Variants in ITPR1 observed in about 807,000 individuals in gnomAD.
ITPR1 encodes the protein inositol 1,4,5-trisphosphate-gated calcium channel ITPR1.
Under a neutral mutation model 318.4 loss-of-function variants are expected in ITPR1, and 96 were observed. The ratio of observed to expected loss-of-function variants is 0.30; its 90% CI spans 0.26 to 0.36. The LOEUF is 0.36. Ranked by LOEUF, ITPR1 falls within the 10% of genes least tolerant of loss-of-function variation. The pLI, the probability that ITPR1 is intolerant of heterozygous loss-of-function variation, is 1.00. For synonymous variants in ITPR1, 1,312 were observed against 1,289.9 expected (o/e 1.02, Z -0.37); for missense variants, 2,440 against 3,460.2 (o/e 0.71, Z 7.40).
chr3:4,655,509 G>A (rs952869473), intron 12 of ITPR1, among the ~76,000 whole-genome samples: 3 of 152,106 alleles, frequency 2.0e-5, no homozygotes, highest in Admixed American at 6.5e-5. Context: ...TATACAAGTG[G>A]CATTTTTCAG....
At chr3:4,648,044 C>A (rs187498007) in intron 10 of ITPR1, among the ~76,000 whole-genome samples, 1 of 151,898 alleles carries the variant, frequency 6.6e-6, no homozygotes, top group South Asian at 2.1e-4. Flanking sequence ...CCCAGCTACT[C>A]GGGAGGCTGA....
Position 4,826,085 on chromosome 3 carries a change from T to G in ITPR1, c.8028+7843T>G, listed in dbSNP as rs1281953286. Among the ~76,000 whole-genome samples the G allele has an allele frequency of 6.6e-6, 1 of 152,218 alleles. No individual in the cohort carries two copies. Among genetic ancestry groups the G allele is most frequent in the Non-Finnish European group, 1.5e-5 (1 of 68,024 alleles). ...GTGCACTTAACCCTGGTCTGACCTTTCTGCCCGCCTGTGCACCTCCTCTGT... is the reference window on the plus strand; with the variant it reads ...GTGCACTTAACCCTGGTCTGACCTTGCTGCCCGCCTGTGCACCTCCTCTGT... On this transcript the variant is annotated intron_variant, in intron 60 of 61. Coordinates refer to ENST00000649015, the MANE Select transcript of ITPR1 (RefSeq NM_001378452.1). The surrounding 1 kb of genome is among the most constrained non-coding windows in gnomAD (Gnocchi z 4.2).
At chr3:4,591,554 T>C (rs1308782634) in intron 4 of ITPR1, among the ~76,000 whole-genome samples, 1 of 152,236 alleles carries the variant, frequency 6.6e-6, no homozygotes, top group East Asian at 1.9e-4. Flanking sequence ...TGTTTCTTCC[T>C]AAGGGAGGAA....
intron 10 of ITPR1, among the ~76,000 whole-genome samples, chr3:4,650,368 A>G (rs1408838007): frequency 4.6e-5 from 7 of 152,088 alleles, no homozygotes; most frequent in Non-Finnish European, 2.9e-5. Context: ...CCAGTTCTCC[A>G]TGTGGCCTTC....
At chr3:4,796,144 T>C (rs1384112071) in intron 53 of ITPR1, among the ~76,000 whole-genome samples, 1 of 152,214 alleles carries the variant, frequency 6.6e-6, no homozygotes, top group Non-Finnish European at 1.5e-5. Flanking sequence ...TGAGTCAGTT[T>C]AAGGACCAAC....
intron 40 of ITPR1, among the ~76,000 whole-genome samples, chr3:4,717,949 G>A (rs1165881272): frequency 6.6e-6 from 1 of 152,186 alleles, no homozygotes; most frequent in Non-Finnish European, 1.5e-5. Flanking sequence ...CACCGGCAAG[G>A]TTAGAAATGT....
rs777975463 is a variant in ITPR1, at chr3:4,815,205, G to C, written c.7854G>C (p.Thr2618=). ...AGAAGGAAGAGATCTTGAAGACCAC[G>C]TGCTTTATCTGTGGTGAGTGTCGCT... The part of the protein sequence containing the change: ...KQKKEEILKT[T]CFICGLERDK... Residue 2618 remains threonine, a synonymous_variant, in exon 59 of 62, where the codon ACG becomes ACC. Transcript: ENST00000649015. 2 of 1,613,872 alleles carry C rather than the reference G, an allele frequency of 1.2e-6. No individual in the cohort carries two copies. Among genetic ancestry groups the C allele is most frequent in the African/African-American group, 2.7e-5 (2 of 75,034 alleles).
At chr3:4,644,486 G>A (rs1016171642) in intron 8 of ITPR1, among the ~76,000 whole-genome samples, 2 of 152,182 alleles carry the variant, frequency 1.3e-5, no homozygotes, top group East Asian at 1.9e-4. Context: ...CTGAGGGGTT[G>A]TTTTTTCATT....
At chr3:4,643,575 C>T (rs921516960) in intron 7 of ITPR1, among the ~76,000 whole-genome samples, 16 of 144,508 alleles carry the variant, frequency 1.1e-4, no homozygotes, top group African/African-American at 4.1e-4. Context: ...TGTTACATCA[C>T]ATAATGATAA....
chr3:4,670,742 C>A lies in ITPR1; in HGVS notation c.2020C>A (p.Arg674Ser). The stretch of plus-strand genomic sequence containing the variant: ...CTTGTTTTCTAGGTTGGTTCTTTCT[C>A]GTTTTGAATTTGAAGGTGTCTCTTC... ...ILIETKLVLSRFEFEGVSSTG... is the reference protein window; with the variant it reads ...ILIETKLVLSSFEFEGVSSTG... Residue 674 changes from arginine to serine, a missense_variant, in exon 20 of 62, where the codon CGT becomes AGT. Around this residue, in one of 23 missense-constraint regions of ITPR1, gnomAD observed 478 missense variants for 696.3 expected, o/e 0.69. Transcript: ENST00000649015. 6.3e-7 allele frequency: 1 copy of A among 1,589,898 alleles called. No individual in the cohort carries two copies. Among genetic ancestry groups the A allele is most frequent in the East Asian group, 2.3e-5 (1 of 44,280 alleles).
In ITPR1 at chr3:4,685,216, G is replaced by A; in HGVS notation, c.3702+10G>A. 6.3e-7 allele frequency: 1 copy of A among 1,594,804 alleles called. No homozygotes were observed. The highest frequency in any genetic ancestry group is 8.5e-7 in the Non-Finnish European group (1 of 1,174,894). On this transcript the variant is annotated intron_variant, in intron 30 of 61. Transcript: ENST00000649015. ...GATTCCCTATGAGAAGGTGAGCGGT[G>A]CCTCATGCACAGCAGCTGCTCTCAG...
rs778756073 is a variant in ITPR1, at chr3:4,590,543, T to A, written c.164-37220T>A. ...CTTCTTAATAATAATAATAATTTTT[T>A]AATTATAATTACTATTTTATTAATT... On this transcript the variant is annotated intron_variant, in intron 4 of 61. Transcript: ENST00000649015. 6.7e-5 allele frequency among the ~76,000 whole-genome samples: 10 copies of A among 149,476 alleles called. No homozygotes were observed. In the East Asian group the frequency reaches 9.7e-4, roughly 15 times the overall value.
At chr3:4,564,970 T>C (rs1162238379) in intron 4 of ITPR1, among the ~76,000 whole-genome samples, 3 of 152,202 alleles carry the variant, frequency 2.0e-5, no homozygotes, top group African/African-American at 7.2e-5. Flanking sequence ...GCTAAACTCA[T>C]TGTCTCTCAC....
At position 4,775,237 on chromosome 3, in the gene ITPR1, T is replaced by C. The variant is rs1179251081; in HGVS notation, c.5980-5T>C. On this transcript the variant is annotated splice_polypyrimidine_tract_variant and splice_region_variant and intron_variant, in intron 46 of 61. Transcript: ENST00000649015. Reference sequence around the variant, plus strand: ...TCACCGAACCTGGGGACTACCCAATTGCAGAACTTCCTCCGTTGCCAAAAT... The same window carrying C: ...TCACCGAACCTGGGGACTACCCAATCGCAGAACTTCCTCCGTTGCCAAAAT... The C allele has an allele frequency of 6.2e-7, 1 of 1,612,296 alleles. No individual in the cohort carries two copies. The highest frequency in any genetic ancestry group is 1.3e-5 in the African/African-American group (1 of 75,026).
Position 4,663,034 on chromosome 3 carries a change from ATC to A in ITPR1, c.1413-29_1413-28del, listed in dbSNP as rs1051503071. 20 of 1,609,934 alleles carry A rather than the reference ATC, an allele frequency of 1.2e-5. 1 individual carries two copies. The highest frequency in any genetic ancestry group is 2.2e-5 in the East Asian group (1 of 44,794). ...TTCCAGCCTGCTGAACACTGAACAC[ATC>A]TGTCTCTAATAGCGTCTTTCCTCCT... On this transcript the variant is annotated intron_variant, in intron 15 of 61. Transcript: ENST00000649015.
intron 4 of ITPR1, among the ~76,000 whole-genome samples, chr3:4,557,959 C>G (rs1186176774): frequency 1.3e-5 from 2 of 152,188 alleles, no homozygotes; most frequent in African/African-American, 4.8e-5. Context: ...TCCACATAAG[C>G]TGCTTTTTAA....
rs13086334 is a variant in ITPR1, at chr3:4,768,889, T to G, written c.5979+125T>G. ...TTGAGCCAAGGATCCAGCAAGGTTCTTTTTTTTCCTTTTTCTTTTTTCTTT... is the reference window on the plus strand; with the variant it reads ...TTGAGCCAAGGATCCAGCAAGGTTCGTTTTTTTCCTTTTTCTTTTTTCTTT... On this transcript the variant is annotated intron_variant, in intron 46 of 61. Coordinates refer to ENST00000649015, the MANE Select transcript of ITPR1 (RefSeq NM_001378452.1). 181,225 of 863,378 alleles carry G rather than the reference T, an allele frequency of 0.21. 21,473 individuals carry two copies. Among genetic ancestry groups the G allele is most frequent in the Middle Eastern group, 0.27 (976 of 3,654 alleles). 53.5% of individuals were successfully genotyped at this position (863,378 alleles called of 1,614,324 possible).
At chr3:4,624,213 A>T (rs2125122579) in intron 4 of ITPR1, among the ~76,000 whole-genome samples, 1 of 152,338 alleles carries the variant, frequency 6.6e-6, no homozygotes, top group South Asian at 2.1e-4. Context: ...TACTCTCTAT[A>T]GCTTACTATT....
rs2048160657 is a variant in ITPR1, at chr3:4,800,528, T to A, written c.7035T>A (p.Ile2345=). 1.2e-6 allele frequency: 2 copies of A among 1,613,926 alleles called. No individual in the cohort carries two copies. The highest frequency in any genetic ancestry group is 3.3e-5 in the Admixed American group (2 of 60,010). The change falls in exon 54 of 62, where the codon ATT becomes ATA. Residue 2345 remains isoleucine, a synonymous_variant. Coordinates refer to ENST00000649015, the MANE Select transcript of ITPR1 (RefSeq NM_001378452.1). The part of the protein sequence containing the change: ...LPKPHGIRAL[I]ASTILRLIFS... ...AGCCCCATGGCATCCGGGCCTTAAT[T>A]GCCTCCACAATTCTACGACTGATAT...
Sources: gnomAD v4.1 joint callset for allele counts (sites outside exome capture counted in the v4.1 genomes callset) on GRCh38, gnomAD v4.1.1 for gene constraint, gnomAD v4.1.1 regional missense constraint, Gnocchi (gnomAD v3.1) non-coding constraint, MANE v1.5 for transcripts, NCBI Gene and HGNC (gene_info 2026-07-23, HGNC 2026-07-21) for gene names.